The following SH3D19 variants were observed in gnomAD, a reference collection of about 807,000 sequenced individuals.
SH3D19 encodes the protein SH3 domain-containing protein 19.
A neutral mutation model predicts 112.1 loss-of-function variants in SH3D19; 58 were observed. The ratio of observed to expected loss-of-function variants is 0.52; its 90% CI spans 0.42 to 0.64. The LOEUF (loss-of-function observed/expected upper bound fraction) is 0.64. Ranked by LOEUF, SH3D19 falls within the 30% of genes least tolerant of loss-of-function variation. The pLI, the probability that SH3D19 is intolerant of heterozygous loss-of-function variation, is 0.00. For missense variants in SH3D19, 1,090 were observed against 1,263.4 expected (o/e 0.86, Z 2.08); for synonymous variants, 391 against 448.5 (o/e 0.87, Z 1.62).
intron 2 of SH3D19, among the ~76,000 whole-genome samples, chr4:151,215,832 C>CT (rs112932689): frequency 0.054 from 7,891 of 145,704 alleles, 315 homozygotes; most frequent in East Asian, 0.2. Context: ...AGGGTTTTAC[C>CT]TTTTTTTTTT....
intron 1 of SH3D19, among the ~76,000 whole-genome samples, chr4:151,313,778 G>A (rs1232252975): frequency 1.3e-5 from 2 of 152,072 alleles, no homozygotes; most frequent in Non-Finnish European, 2.9e-5. Flanking sequence ...TCTCCACTGA[G>A]CTAGCCTATA....
Position 151,283,340 on chromosome 4 carries a change from C to T in SH3D19, c.112+41901G>A. On this transcript the variant is annotated intron_variant, in intron 1 of 19. Transcript: ENST00000604030. ...TTAAACATGAGATCTTAATTTGGAT[C>T]CAGGTTTTCCTATCTGTAAATAACA... 10 of 1,536,522 alleles carry T rather than the reference C, an allele frequency of 6.5e-6. No individual in the cohort carries two copies. In the South Asian group the frequency reaches 1.2e-4, roughly 18 times the overall value.
intron 1 of SH3D19, chr4:151,227,647 T>C (rs1193890995): frequency 1.8e-6 from 1 of 570,684 alleles, no homozygotes; most frequent in Non-Finnish European, 2.2e-6. Context: ...TCAATCATTC[T>C]CCAGTTTTTA....
In SH3D19 at chr4:151,279,856, G is replaced by A. The variant is rs752764761; in HGVS notation, c.112+45385C>T. ...GGTGGCCAGGATGCTGCTGCAGGGC[G>A]CTGGCCTTGGCAGGTCAGCCTACAC... On this transcript the variant is annotated intron_variant, in intron 1 of 19. Coordinates refer to ENST00000604030, the MANE Select transcript of SH3D19 (RefSeq NM_001378122.1). 6.3e-6 allele frequency: 10 copies of A among 1,593,852 alleles called. No individual in the cohort carries two copies. Among genetic ancestry groups the A allele is most frequent in the Admixed American group, 3.4e-5 (2 of 58,862 alleles).
At chr4:151,239,224 G>A (rs1770367454) in intron 1 of SH3D19, among the ~76,000 whole-genome samples, 2 of 152,148 alleles carry the variant, frequency 1.3e-5, no homozygotes. Flanking sequence ...TCCTCTTTAT[G>A]TCTTATTGCT....
At chr4:151,233,818 G>A (rs1040438119) in intron 1 of SH3D19, among the ~76,000 whole-genome samples, 2 of 152,154 alleles carry the variant, frequency 1.3e-5, no homozygotes, top group Non-Finnish European at 2.9e-5. Flanking sequence ...AGGGTGCACT[G>A]CTGTTTATAA....
At chr4:151,296,611 C>T (rs1378288642) in intron 1 of SH3D19, among the ~76,000 whole-genome samples, 1 of 152,184 alleles carries the variant, frequency 6.6e-6, no homozygotes, top group Admixed American at 6.5e-5. Flanking sequence ...GACACCTTTA[C>T]TTTTATGGGG....
At chr4:151,180,562 A>G (rs1312552163) in intron 3 of SH3D19, among the ~76,000 whole-genome samples, 3 of 151,554 alleles carry the variant, frequency 2.0e-5, no homozygotes. Context: ...GCCCGCGACC[A>G]TGCCTGGCTA....
chr4:151,219,412 G>A (rs1351440476), intron 2 of SH3D19, among the ~76,000 whole-genome samples: 3 of 152,052 alleles, frequency 2.0e-5, no homozygotes, highest in East Asian at 3.9e-4. Flanking sequence ...CTAACTCCCC[G>A]ACTGCAAAAT....
intron 2 of SH3D19, among the ~76,000 whole-genome samples, chr4:151,189,669 C>T (rs950302985): frequency 1.1e-4 from 17 of 152,144 alleles, no homozygotes; most frequent in Admixed American, 5.9e-4. Flanking sequence ...ATGTGCTTTT[C>T]ACCTTCTGCT....
At chr4:151,161,534 T>C (rs568433952) in intron 8 of SH3D19, among the ~76,000 whole-genome samples, 1 of 151,974 alleles carries the variant, frequency 6.6e-6, no homozygotes, top group South Asian at 2.1e-4. Context: ...AGGAGCTTAA[T>C]GATGAATTAA....
chr4:151,321,163 C>CT (rs762338712), intron 1 of SH3D19, among the ~76,000 whole-genome samples: 9 of 152,158 alleles, frequency 5.9e-5, no homozygotes, highest in Non-Finnish European at 1.3e-4. Flanking sequence ...TATCAGTAGC[C>CT]TTTATCCTCC....
chr4:151,234,770 CAG>C (rs1356564140), intron 1 of SH3D19, among the ~76,000 whole-genome samples: 6 of 74,232 alleles, frequency 8.1e-5, no homozygotes, highest in East Asian at 4.7e-4. Context: ...TTTTTTTAGA[CAG>C]GGGCTCACTC....
chr4:151,300,494 GGGAATA>G (rs1728287168), intron 1 of SH3D19: 1 of 151,924 alleles, frequency 6.6e-6, no homozygotes. Context: ...AAAAAATAAA[GGGAATA>G]AAAGGTAGTA....
intron 1 of SH3D19, among the ~76,000 whole-genome samples, chr4:151,316,644 G>T (rs1730012412): frequency 6.8e-6 from 1 of 146,708 alleles, no homozygotes. Flanking sequence ...TTTTTCCCTT[G>T]GTATAACTTG....
At position 151,208,602 on chromosome 4, in the gene SH3D19, T is replaced by G. The variant is rs541721521; in HGVS notation, c.152+17445A>C. ...TCAGGCTGGTCTCCAACTCCTGGCCTCAGGTGATCCACCTGCCTTGGCCTC... is the reference window on the plus strand; with the variant it reads ...TCAGGCTGGTCTCCAACTCCTGGCCGCAGGTGATCCACCTGCCTTGGCCTC... On this transcript the variant is annotated intron_variant, in intron 2 of 19. Coordinates refer to ENST00000604030, the MANE Select transcript of SH3D19 (RefSeq NM_001378122.1). 2.0e-5 allele frequency among the ~76,000 whole-genome samples: 3 copies of G among 152,268 alleles called. No individual in the cohort carries two copies. The East Asian group carries it at 5.8e-4, about 29-fold the overall frequency.
At chr4:151,160,092 T>C (rs1021918619) in intron 8 of SH3D19, among the ~76,000 whole-genome samples, 1 of 150,760 alleles carries the variant, frequency 6.6e-6, no homozygotes, top group Non-Finnish European at 1.5e-5. Flanking sequence ...TATTTCTTTT[T>C]TTTTTTTTTT....
intron 2 of SH3D19, among the ~76,000 whole-genome samples, chr4:151,192,299 T>A (rs6812695): frequency 6.6e-6 from 1 of 152,026 alleles, no homozygotes; most frequent in Non-Finnish European, 1.5e-5. Context: ...GCCAATTTAC[T>A]TACTTGCTGG....
intron 1 of SH3D19, among the ~76,000 whole-genome samples, chr4:151,309,419 G>A (rs1729226193): frequency 6.6e-6 from 1 of 151,804 alleles, no homozygotes; most frequent in South Asian, 2.1e-4. Flanking sequence ...CAAAGCAAAG[G>A]AAAAAATAAA....
Sources: allele counts gnomAD v4.1 joint callset (sites outside exome capture counted in the v4.1 genomes callset), GRCh38; gene constraint gnomAD v4.1.1; transcripts MANE v1.5; gene names NCBI Gene and HGNC (gene_info 2026-07-23, HGNC 2026-07-21).